Variants in DNAH7 observed in about 807,000 individuals in gnomAD.
DNAH7 encodes the protein dynein axonemal heavy chain 7.
Under a neutral mutation model 444.6 loss-of-function variants are expected in DNAH7, and 397 were observed. The observed-to-expected ratio is 0.89, with a 90% CI of 0.82 to 0.97. The LOEUF (loss-of-function observed/expected upper bound fraction) is 0.97, where lower values mean the gene tolerates loss of function less well. DNAH7 is among the 50% of genes least tolerant of loss of function. The probability of loss-of-function intolerance (pLI) is 0.00; values close to 1 mark genes in which losing one functional copy is unlikely to be tolerated. For missense variants in DNAH7, 4,902 were observed against 4,800.8 expected, an observed-to-expected ratio of 1.02 and a Z score of -0.62; for synonymous variants, 1,636 against 1,624.4, an observed-to-expected ratio of 1.01 and a Z score of -0.17.
intron 15 of DNAH7, among the ~76,000 whole-genome samples, chr2:195,976,934 A>T (rs1692253276): frequency 6.6e-6 from 1 of 152,206 alleles, no homozygotes; most frequent in Admixed American, 6.5e-5. Context: ...GGCTTGGGGT[A>T]TCCCTTAATG....
chr2:196,046,080 C>T (rs1044330674), intron 5 of DNAH7, among the ~76,000 whole-genome samples: 1 of 151,926 alleles, frequency 6.6e-6, no homozygotes, highest in African/African-American at 2.4e-5. Flanking sequence ...AAAAAAACCT[C>T]CCAGTACAAT....
At chr2:195,956,680 CA>C (rs1690684863) in intron 19 of DNAH7, among the ~76,000 whole-genome samples, 1 of 151,378 alleles carries the variant, frequency 6.6e-6, no homozygotes, top group Non-Finnish European at 1.5e-5. Flanking sequence ...CTGAATTGAA[CA>C]AAAAACGTAC....
chr2:195,900,844 T>G, intron 27 of DNAH7: 1 of 191,024 alleles, frequency 5.2e-6, no homozygotes, highest in South Asian at 1.1e-4. Context: ...TTTGAGGTGA[T>G]AGATACACTA....
intron 45 of DNAH7, among the ~76,000 whole-genome samples, chr2:195,854,339 C>T (rs949531372): frequency 1.2e-4 from 19 of 152,010 alleles, no homozygotes; most frequent in African/African-American, 3.6e-4. Context: ...TCAACAAAAA[C>T]GAAGACATTT....
chr2:195,757,346 G>A (rs563210866), intron 61 of DNAH7, among the ~76,000 whole-genome samples: 1 of 152,260 alleles, frequency 6.6e-6, no homozygotes, highest in South Asian at 2.1e-4. Flanking sequence ...GAATTATGAA[G>A]TCTAGTTGAC....
chr2:196,058,914 C>T (rs182927406), intron 1 of DNAH7, among the ~76,000 whole-genome samples: 12 of 152,250 alleles, frequency 7.9e-5, no homozygotes, highest in Non-Finnish European at 1.2e-4. Context: ...ACTCACACTT[C>T]GAGATTTTAC....
rs1445880805 is a variant in DNAH7, at chr2:195,864,071, G to A, written c.7506+78C>T. On this transcript the variant is annotated intron_variant, in intron 41 of 64. Coordinates refer to ENST00000312428, the MANE Select transcript of DNAH7 (RefSeq NM_018897.3). The stretch of plus-strand genomic sequence containing the variant: ...ATATTTTGGGGTAAACTACAGGTTG[G>A]GAATCTATAAAATAAGTCATGATGA... 4.1e-6 allele frequency: 6 copies of A among 1,449,868 alleles called. No individual in the cohort carries two copies. The Admixed American group carries it at 1.2e-4, about 30-fold the overall frequency. The allele number at this position is 1,449,868 out of a possible 1,614,324, so 89.8% of individuals were successfully genotyped here.
At chr2:196,047,326 C>T (rs376100172) in intron 5 of DNAH7, 26 bp downstream of exon 5, 23 of 1,523,254 alleles carry the variant, frequency 1.5e-5, no homozygotes, top group East Asian at 4.7e-5. Flanking sequence ...ATGGGTAACA[C>T]GTAATGGTTA....
At chr2:195,805,728 A>T (rs536065383) in intron 54 of DNAH7, among the ~76,000 whole-genome samples, 4 of 152,328 alleles carry the variant, frequency 2.6e-5, no homozygotes, top group African/African-American at 9.6e-5. Context: ...CAACATTTTC[A>T]TAGACCCCTG....
chr2:196,016,261 T>C (rs1032806941), intron 9 of DNAH7, among the ~76,000 whole-genome samples: 2 of 152,142 alleles, frequency 1.3e-5, no homozygotes, highest in African/African-American at 4.8e-5. Context: ...ACTTGTGGTG[T>C]TGTTTTGAAA....
At chr2:195,753,680 A>G (rs1693922742) in intron 63 of DNAH7, among the ~76,000 whole-genome samples, 1 of 152,218 alleles carries the variant, frequency 6.6e-6, no homozygotes, top group Admixed American at 6.5e-5. Context: ...TGTAGCATTT[A>G]AAAAATAACT....
chr2:195,797,850 A>G (rs1015977412), intron 55 of DNAH7, among the ~76,000 whole-genome samples: 1 of 152,232 alleles, frequency 6.6e-6, no homozygotes, highest in Non-Finnish European at 1.5e-5. Flanking sequence ...CAGAGACCCT[A>G]CATGATCTGG....
At chr2:195,834,827 C>A (rs183675210) in intron 47 of DNAH7, among the ~76,000 whole-genome samples, 2 of 152,072 alleles carry the variant, frequency 1.3e-5, no homozygotes, top group East Asian at 3.9e-4. Flanking sequence ...AATATTATAT[C>A]TCAAAATCTA....
In DNAH7 at chr2:195,834,146, G is replaced by T. The variant is rs190408864; in HGVS notation, c.9100+60C>A. The stretch of plus-strand genomic sequence containing the variant: ...CGCTTGAAACAATCTATACAGTTTT[G>T]GGTTAATTGTGCCCTCTCCAGGCAG... On this transcript the variant is annotated intron_variant, in intron 48 of 64. Transcript: ENST00000312428. 7 of 1,507,636 alleles carry T rather than the reference G, an allele frequency of 4.6e-6. No homozygotes were observed. In the East Asian group the frequency reaches 1.4e-4, roughly 30 times the overall value. The allele number at this position is 1,507,636 out of a possible 1,614,324, so 93.4% of individuals were successfully genotyped here.
Position 195,869,286 on chromosome 2 carries a change from C to G in DNAH7, c.6633+2964G>C, listed in dbSNP as rs117368026. Among the ~76,000 whole-genome samples the G allele has an allele frequency of 3.1e-3, 471 of 151,824 alleles. 11 individuals are homozygous for G. The East Asian group carries it at 0.051, about 16-fold the overall frequency. ...GGTTCCACCCCAGTGCACTGGCTGGCTGGAGTTTCTCGGGGGATCCCTTCC... is the reference window on the plus strand; with the variant it reads ...GGTTCCACCCCAGTGCACTGGCTGGGTGGAGTTTCTCGGGGGATCCCTTCC... On this transcript the variant is annotated intron_variant, in intron 40 of 64. Transcript: ENST00000312428.
At position 196,000,827 on chromosome 2, in the gene DNAH7, A is replaced by G. The variant is rs1350699273; in HGVS notation, c.1230T>C (p.Asn410=). ...PGFIMRLILD[N]DTIKFEPELS... ...ACTCAGGTTCAAACTTAATGGTGTC[A>G]TTATCAAGAATCAGCCTCATGATGA... The change falls in exon 12 of 65, where the codon AAT becomes AAC. Residue 410 remains asparagine (N), a synonymous_variant. Coordinates refer to ENST00000312428, the MANE Select transcript of DNAH7 (RefSeq NM_018897.3). The G allele has an allele frequency of 1.2e-6, 2 of 1,607,910 alleles. No individual in the cohort carries two copies. Among genetic ancestry groups the G allele is most frequent in the Non-Finnish European group, 8.5e-7 (1 of 1,177,026 alleles).
intron 19 of DNAH7, among the ~76,000 whole-genome samples, chr2:195,956,208 CA>C (rs1229390859): frequency 2.6e-5 from 4 of 152,106 alleles, no homozygotes; most frequent in Non-Finnish European, 4.4e-5. Context: ...CAGGGTAAGA[CA>C]TTTTTAAGAT....
chr2:196,052,054 C>A (rs1196790392), intron 2 of DNAH7, among the ~76,000 whole-genome samples: 1 of 152,210 alleles, frequency 6.6e-6, no homozygotes, highest in Non-Finnish European at 1.5e-5. Flanking sequence ...TGCAAGTTGA[C>A]AGCAACTTTC....
intron 21 of DNAH7, among the ~76,000 whole-genome samples, chr2:195,928,518 C>T (rs1250483066): frequency 2.0e-5 from 3 of 152,110 alleles, no homozygotes; most frequent in Admixed American, 1.3e-4. Context: ...AACAGTAATG[C>T]TATTTGTCAA....
Sources: allele counts gnomAD v4.1 joint callset (sites outside exome capture counted in the v4.1 genomes callset), GRCh38; gene constraint gnomAD v4.1.1; transcripts MANE v1.5; gene names NCBI Gene and HGNC (gene_info 2026-07-23, HGNC 2026-07-21).